Variants in DISC1 observed in about 807,000 individuals in gnomAD.
The protein encoded by DISC1 is disrupted in schizophrenia 1 protein.
A neutral mutation model predicts 84.5 loss-of-function variants in DISC1; 57 were observed. That is an observed-to-expected ratio of 0.67 (90% CI 0.55 to 0.84). The LOEUF (loss-of-function observed/expected upper bound fraction) is 0.84. Ranked by LOEUF, DISC1 falls within the 40% of genes least tolerant of loss-of-function variation. DISC1 has a pLI of 0.00. For missense variants in DISC1, 1,000 were observed against 1,057.8 expected (o/e 0.95, Z 0.76); for synonymous variants, 411 against 415.2 (o/e 0.99, Z 0.12).
At position 231,813,719 on chromosome 1, in the gene DISC1, C is replaced by T. The variant is rs901025884; in HGVS notation, c.1793-4610C>T. 2.6e-5 allele frequency among the ~76,000 whole-genome samples: 4 copies of T among 152,158 alleles called. No individual in the cohort carries two copies. In the East Asian group the frequency reaches 7.7e-4, roughly 29 times the overall value. The stretch of plus-strand genomic sequence containing the variant: ...CAACTTCCTTGTGAGTTTAGTCTCA[C>T]CTCCTACCCCTTGCCCATTGCTCTC... On this transcript the variant is annotated intron_variant, in intron 8 of 12. Transcript: ENST00000439617.
At chr1:231,945,256 A>G (rs1348436346) in intron 9 of DISC1, 1 of 152,252 alleles carries the variant, frequency 6.6e-6, no homozygotes, top group Non-Finnish European at 1.5e-5. Flanking sequence ...AATCATAACA[A>G]ATAGTCTCTC....
intron 6 of DISC1, among the ~76,000 whole-genome samples, chr1:231,794,553 C>T (rs998663325): frequency 6.6e-6 from 1 of 152,102 alleles, no homozygotes; most frequent in Admixed American, 6.6e-5. Flanking sequence ...ATTCATTCTA[C>T]AGGTATTGAC....
chr1:231,662,139 G>A (rs2061612804), intron 1 of DISC1, among the ~76,000 whole-genome samples: 1 of 152,188 alleles, frequency 6.6e-6, no homozygotes, highest in Non-Finnish European at 1.5e-5. Context: ...TCTGTGCCAG[G>A]GGGATACTGA....
chr1:231,767,481 G>A (rs1048309567), intron 5 of DISC1, among the ~76,000 whole-genome samples: 9 of 152,126 alleles, frequency 5.9e-5, no homozygotes, highest in African/African-American at 1.9e-4. Context: ...ATTTTTAGTA[G>A]ATATCAGGTC....
At chr1:231,883,604 C>A (rs1377301612) in intron 9 of DISC1, among the ~76,000 whole-genome samples, 1 of 152,084 alleles carries the variant, frequency 6.6e-6, no homozygotes, top group Admixed American at 6.6e-5. Flanking sequence ...GGTGGGAGGT[C>A]ATATTGTCAG....
chr1:231,863,712 A>G (rs1175054111), intron 9 of DISC1, among the ~76,000 whole-genome samples: 1 of 152,142 alleles, frequency 6.6e-6, no homozygotes, highest in Non-Finnish European at 1.5e-5. Flanking sequence ...GAGTTCATCC[A>G]TTTCTTTGCC....
At chr1:231,901,471 T>A (rs2088172305) in intron 9 of DISC1, among the ~76,000 whole-genome samples, 1 of 152,154 alleles carries the variant, frequency 6.6e-6, no homozygotes, top group Non-Finnish European at 1.5e-5. Context: ...CAGGGTTGCT[T>A]CTTCTTAGCT....
intron 3 of DISC1, among the ~76,000 whole-genome samples, chr1:231,733,114 G>GTTA (rs1285709840): frequency 8.0e-5 from 12 of 150,396 alleles, no homozygotes; most frequent in South Asian, 2.1e-4. Flanking sequence ...GATGGTGGTA[G>GTTA]TGGTAGGAGT....
At chr1:231,784,204 A>G (rs2077657242) in intron 6 of DISC1, among the ~76,000 whole-genome samples, 2 of 151,904 alleles carry the variant, frequency 1.3e-5, no homozygotes, top group South Asian at 4.2e-4. Context: ...CAGAGGTTGC[A>G]GTAAACCGAG....
chr1:231,819,160 T>G (rs904097389), intron 9 of DISC1: 1 of 982,418 alleles, frequency 1.0e-6, no homozygotes, highest in Non-Finnish European at 1.2e-6. Context: ...GGTAAAAACT[T>G]ATTTCTTAAA....
At chr1:231,802,598 G>T (rs971762406) in intron 8 of DISC1, among the ~76,000 whole-genome samples, 1 of 152,162 alleles carries the variant, frequency 6.6e-6, no homozygotes, top group Non-Finnish European at 1.5e-5. Context: ...TTTGCAGAGA[G>T]TAGGAATAAC....
intron 11 of DISC1, among the ~76,000 whole-genome samples, chr1:232,020,538 A>G (rs1373803709): frequency 6.6e-6 from 1 of 152,096 alleles, no homozygotes; most frequent in Non-Finnish European, 1.5e-5. Context: ...ATCTTTGTAA[A>G]TGCATTTGCT....
intron 6 of DISC1, among the ~76,000 whole-genome samples, chr1:231,774,296 AG>A (rs1479566843): frequency 2.6e-5 from 4 of 152,046 alleles, no homozygotes; most frequent in African/African-American, 9.7e-5. Context: ...GTTTCATGGG[AG>A]GGTAGGAATA....
At chr1:231,719,520 T>C (rs1021807019) in intron 3 of DISC1, among the ~76,000 whole-genome samples, 1 of 152,226 alleles carries the variant, frequency 6.6e-6, no homozygotes, top group Non-Finnish European at 1.5e-5. Flanking sequence ...TGTATAAGCT[T>C]GGACAAATTA....
At chr1:231,884,254 G>A (rs925463466) in intron 9 of DISC1, among the ~76,000 whole-genome samples, 5 of 152,218 alleles carry the variant, frequency 3.3e-5, no homozygotes, top group South Asian at 4.1e-4. Context: ...GATAACATTT[G>A]TTATGCTAAT....
At chr1:231,648,186 G>A (rs1266441871) in intron 1 of DISC1, among the ~76,000 whole-genome samples, 1 of 152,188 alleles carries the variant, frequency 6.6e-6, no homozygotes. Flanking sequence ...GTGTGATATT[G>A]GCTATGGGTT....
At position 232,037,471 on chromosome 1, in the gene DISC1, T is replaced by C. The variant is rs1467500311; in HGVS notation, c.*640T>C. On this transcript the variant is annotated 3_prime_UTR_variant, in exon 13 of 13. Coordinates refer to ENST00000439617, the MANE Select transcript of DISC1 (RefSeq NM_018662.3). ...TTCAATTTTCCTTTTGTGGCAATGATTGCATCTGAAGAAAGGATCCCTGAG... is the reference window on the plus strand; with the variant it reads ...TTCAATTTTCCTTTTGTGGCAATGACTGCATCTGAAGAAAGGATCCCTGAG... 1.3e-5 allele frequency: 2 copies of C among 152,242 alleles called. No homozygotes were observed. The highest frequency in any genetic ancestry group is 3.8e-4 in the East Asian group (2 of 5,200). 9.4% of individuals were successfully genotyped at this position (152,242 alleles called of 1,614,324 possible). A position where few individuals can be genotyped will look rare whatever the true frequency, so the allele number is the denominator to read the frequency against.
chr1:231,665,798 T>G (rs2061966841), intron 1 of DISC1, among the ~76,000 whole-genome samples: 1 of 152,212 alleles, frequency 6.6e-6, no homozygotes, highest in East Asian at 1.9e-4. Flanking sequence ...AAGGGTCAAC[T>G]GTACAATAGG....
rs543360006 is a variant in DISC1, at chr1:231,994,620, C to A, written c.2043-14165C>A. Among the ~76,000 whole-genome samples, 10 of 152,204 alleles carry A rather than the reference C, an allele frequency of 6.6e-5. No individual in the cohort carries two copies. In the East Asian group the frequency reaches 1.9e-3, roughly 29 times the overall value. On this transcript the variant is annotated intron_variant, in intron 10 of 12. Transcript: ENST00000439617. ...CTAAATGAAGTAATATATGTACAACCCTTAGAACAGCACCTGACCAAAAAT... is the reference window on the plus strand; with the variant it reads ...CTAAATGAAGTAATATATGTACAACACTTAGAACAGCACCTGACCAAAAAT...
Sources: gnomAD v4.1 joint callset for allele counts (sites outside exome capture counted in the v4.1 genomes callset) on GRCh38, gnomAD v4.1.1 for gene constraint, MANE v1.5 for transcripts, NCBI Gene and HGNC (gene_info 2026-07-23, HGNC 2026-07-21) for gene names.